Variants in REEP3 observed in about 807,000 individuals in gnomAD.
REEP3 encodes the protein receptor expression-enhancing protein 3.
Under a neutral mutation model 41.3 loss-of-function variants are expected in REEP3, and 20 were observed. The observed-to-expected ratio is 0.48, with a 90% CI of 0.34 to 0.70. REEP3 has a LOEUF of 0.70. Ranked by LOEUF, REEP3 falls within the 30% of genes least tolerant of loss-of-function variation. The pLI, the probability that REEP3 is intolerant of heterozygous loss-of-function variation, is 0.01. For synonymous variants in REEP3, 104 were observed against 101.8 expected (o/e 1.02, Z -0.13); for missense variants, 271 against 308.8 (o/e 0.88, Z 0.92).
intron 1 of REEP3, among the ~76,000 whole-genome samples, chr10:63,554,461 G>A (rs1589864790): frequency 1.3e-5 from 2 of 152,258 alleles, no homozygotes; most frequent in Admixed American, 1.3e-4. Context: ...TGTTAATATT[G>A]GGGATCTGCT....
At chr10:63,618,155 C>A (rs148526481) in intron 6 of REEP3, among the ~76,000 whole-genome samples, 1 of 148,746 alleles carries the variant, frequency 6.7e-6, no homozygotes, top group East Asian at 2.0e-4. Flanking sequence ...CCTCACCTGA[C>A]AATTTAAGTA....
At chr10:63,620,023 C>G (rs1956341911) in intron 7 of REEP3, among the ~76,000 whole-genome samples, 1 of 149,438 alleles carries the variant, frequency 6.7e-6, no homozygotes. Flanking sequence ...CACTCAAACT[C>G]CTGGGCTCAA....
intron 1 of REEP3, among the ~76,000 whole-genome samples, chr10:63,551,214 T>C (rs1955625787): frequency 6.6e-6 from 1 of 152,056 alleles, no homozygotes; most frequent in Non-Finnish European, 1.5e-5. Flanking sequence ...ACAAAAACAA[T>C]GTAGGTATGT....
rs76441279 is a variant in REEP3 at position 63,566,274 on chromosome 10, A to G, written c.33-64A>G. 4,065 of 892,028 alleles carry G rather than the reference A, an allele frequency of 4.6e-3. 25 individuals carry two copies. Among genetic ancestry groups the G allele is most frequent in the African/African-American group, 0.011 (622 of 58,636 alleles). 55.3% of individuals were successfully genotyped at this position (892,028 alleles called of 1,614,324 possible). A position where few individuals can be genotyped will look rare whatever the true frequency, so the allele number is the denominator to read the frequency against. On this transcript the variant is annotated intron_variant, in intron 1 of 7. Transcript: ENST00000373758. ...TACAGTTATTTGTTTATTAGGTTAA[A>G]TTTTTATGAGCTGTTTAAAACATTG...
intron 2 of REEP3, among the ~76,000 whole-genome samples, chr10:63,581,716 C>T (rs1218302445): frequency 6.6e-6 from 1 of 151,310 alleles, no homozygotes; most frequent in African/African-American, 2.4e-5. Context: ...GCATTCTAGC[C>T]TGGGTGACAG....
chr10:63,540,175 G>A (rs1302744390), intron 1 of REEP3, among the ~76,000 whole-genome samples: 3 of 152,138 alleles, frequency 2.0e-5, no homozygotes, highest in Non-Finnish European at 4.4e-5. Flanking sequence ...GAAGTATTAG[G>A]AGAAAAGAAT....
intron 1 of REEP3, among the ~76,000 whole-genome samples, chr10:63,523,222 A>T (rs1955310692): frequency 1.3e-5 from 2 of 152,252 alleles, no homozygotes; most frequent in Non-Finnish European, 2.9e-5. Context: ...TCTGCAGTAC[A>T]GGTCCAAATG....
chr10:63,599,616 T>C, intron 5 of REEP3: 1 of 795,512 alleles, frequency 1.3e-6, no homozygotes, highest in Non-Finnish European at 1.5e-6. Flanking sequence ...CTGTCTTTGG[T>C]GTTCTTTCTC....
chr10:63,603,040 G>A (rs879527446), intron 5 of REEP3, among the ~76,000 whole-genome samples: 3 of 147,444 alleles, frequency 2.0e-5, no homozygotes, highest in Non-Finnish European at 3.0e-5. Flanking sequence ...ATGGCTGGGC[G>A]CAGTGGCTCA....
intron 1 of REEP3, among the ~76,000 whole-genome samples, chr10:63,564,843 A>G (rs1303447143): frequency 1.3e-5 from 2 of 152,234 alleles, no homozygotes; most frequent in Non-Finnish European, 2.9e-5. Context: ...ATCAGTGATG[A>G]CAAAGTTTTT....
chr10:63,624,211 A>C lies in REEP3; in HGVS notation c.*3342A>C, dbSNP rs539115427. On this transcript the variant is annotated 3_prime_UTR_variant, in exon 8 of 8. Transcript: ENST00000373758. ...TGACTCATTTGTGAAGCAATTAGGC[A>C]AATTTTGAGAAGATCATTGTTATTG... The C allele has an allele frequency of 1.3e-5, 2 of 152,232 alleles. No individual in the cohort carries two copies. The highest frequency in any genetic ancestry group is 6.5e-5 in the Admixed American group (1 of 15,292). 9.4% of individuals were successfully genotyped at this position (152,232 alleles called of 1,614,324 possible).
chr10:63,554,727 G>A (rs1165384993), intron 1 of REEP3, among the ~76,000 whole-genome samples: 1 of 152,162 alleles, frequency 6.6e-6, no homozygotes, highest in Non-Finnish European at 1.5e-5. Flanking sequence ...CTGGAAAACT[G>A]TGGAGTGCTG....
At chr10:63,533,393 C>A (rs1206107141) in intron 1 of REEP3, among the ~76,000 whole-genome samples, 1 of 152,164 alleles carries the variant, frequency 6.6e-6, no homozygotes. Flanking sequence ...CAGTTCTTCA[C>A]TGGTTTGTGG....
chr10:63,560,192 C>G (rs1392597897), intron 1 of REEP3, among the ~76,000 whole-genome samples: 1 of 151,932 alleles, frequency 6.6e-6, no homozygotes, highest in East Asian at 1.9e-4. Context: ...TATTCTATTT[C>G]TACATATTTT....
At chr10:63,559,006 G>T (rs10761785) in intron 1 of REEP3, among the ~76,000 whole-genome samples, 77,184 of 151,262 alleles carry the variant, frequency 0.51, 20,076 homozygotes, top group East Asian at 0.69. Flanking sequence ...TAATTTTTTT[G>T]TTGTTGTTTA....
At chr10:63,532,775 G>T (rs1405646704) in intron 1 of REEP3, among the ~76,000 whole-genome samples, 3 of 152,072 alleles carry the variant, frequency 2.0e-5, no homozygotes, top group Non-Finnish European at 4.4e-5. Context: ...GCATGCGCCT[G>T]CAGTCCCAGC....
At chr10:63,549,452 T>C (rs1955607989) in intron 1 of REEP3, among the ~76,000 whole-genome samples, 1 of 152,050 alleles carries the variant, frequency 6.6e-6, no homozygotes, top group African/African-American at 2.4e-5. Context: ...CCTGTCATCC[T>C]AGTTGTTCAG....
chr10:63,609,747 G>A (rs915806165), intron 5 of REEP3, among the ~76,000 whole-genome samples: 1 of 152,022 alleles, frequency 6.6e-6, no homozygotes, highest in African/African-American at 2.4e-5. Context: ...GCAACGGAGT[G>A]AGACTCTGTC....
chr10:63,564,394 A>C (rs1218506551), intron 1 of REEP3, among the ~76,000 whole-genome samples: 1 of 152,144 alleles, frequency 6.6e-6, no homozygotes, highest in African/African-American at 2.4e-5. Context: ...AGGCTGAGGC[A>C]GGCAGATTGC....
Sources: allele counts gnomAD v4.1 joint callset (sites outside exome capture counted in the v4.1 genomes callset), GRCh38; gene constraint gnomAD v4.1.1; transcripts MANE v1.5; gene names NCBI Gene and HGNC (gene_info 2026-07-23, HGNC 2026-07-21).